The following KDM6A variants were observed in gnomAD, a reference collection of about 807,000 sequenced individuals.
The protein encoded by KDM6A is lysine demethylase 6A.
A neutral mutation model predicts 117.6 loss-of-function variants in KDM6A; 11 were observed. The ratio of observed to expected loss-of-function variants is 0.09; its 90% CI spans 0.06 to 0.15. The LOEUF (loss-of-function observed/expected upper bound fraction) is 0.15, where lower values mean the gene tolerates loss of function less well. KDM6A is among the 10% of genes least tolerant of loss of function. The pLI is 1.00. For missense variants in KDM6A, 799 were observed against 1,077.3 expected, an observed-to-expected ratio of 0.74 and a Z score of 3.62; for synonymous variants, 384 against 396.1, an observed-to-expected ratio of 0.97 and a Z score of 0.36.
chrX:44,972,824 C>T (rs1231386859), intron 3 of KDM6A, among the ~76,000 whole-genome samples: 1 of 110,619 alleles, frequency 9.0e-6, no homozygotes, highest in East Asian at 2.8e-4. Context: ...CACTTGAGGT[C>T]GGGAGTTCGA....
chrX:45,068,563 A>T (rs1395024498), intron 17 of KDM6A, among the ~76,000 whole-genome samples: 14 of 63,479 alleles, frequency 2.2e-4, no homozygotes, highest in African/African-American at 5.8e-4. Flanking sequence ...TTTTTTTTTA[A>T]AAAAAAAAAA....
In KDM6A at chrX:45,111,708, T is replaced by C. The variant is rs1376948635; in HGVS notation, c.*297T>C. On this transcript the variant is annotated 3_prime_UTR_variant, in exon 30 of 30. Coordinates refer to ENST00000611820, the MANE Select transcript of KDM6A (RefSeq NM_001291415.2). ...ACTGACTTGAAGACAACCTCTTTTA[T>C]ATTTCTCTATTTCTGGGCTGATGAA... 3 of 250,341 alleles carry C rather than the reference T, an allele frequency of 1.2e-5. No individual in the cohort carries two copies. The highest frequency in any genetic ancestry group is 2.1e-5 in the Non-Finnish European group (3 of 140,736). The allele number at this position is 250,341 out of a possible 1,213,427, so 20.6% of individuals were successfully genotyped here. A position where few individuals can be genotyped will look rare whatever the true frequency, so the allele number is the denominator to read the frequency against.
At chrX:44,943,120 T>C (rs2037430121) in intron 2 of KDM6A, among the ~76,000 whole-genome samples, 1 of 111,464 alleles carries the variant, frequency 9.0e-6, no homozygotes, top group African/African-American at 3.3e-5. Flanking sequence ...AAAAATAAAC[T>C]CTTTTTGATG....
Position 44,989,862 on chromosome X carries a change from CTT to C in KDM6A, c.384+15151_384+15152del, listed in dbSNP as rs931649041. On this transcript the variant is annotated intron_variant, in intron 4 of 29. Transcript: ENST00000611820. ...TCGGTCTAGAGCAGAGGTCCACAGA[CTT>C]TTTCTTACAGGGCAAAATAGTAAAT... Among the ~76,000 whole-genome samples, 3 of 111,806 alleles carry C rather than the reference CTT, an allele frequency of 2.7e-5. No homozygotes were observed. In the Admixed American group the frequency reaches 2.8e-4, roughly 11 times the overall value.
chrX:44,921,107 T>G (rs1447038664), intron 2 of KDM6A, among the ~76,000 whole-genome samples: 1 of 110,918 alleles, frequency 9.0e-6, no homozygotes, highest in Non-Finnish European at 1.9e-5. Context: ...ACTCCTAACC[T>G]TGTGATCTGC....
At chrX:44,925,569 G>A (rs1333310585) in intron 2 of KDM6A, among the ~76,000 whole-genome samples, 1 of 111,801 alleles carries the variant, frequency 8.9e-6, no homozygotes, top group Non-Finnish European at 1.9e-5. Flanking sequence ...TTTTACAAAA[G>A]AACAATTCGT....
At chrX:44,905,686 T>C (rs2034608446) in intron 2 of KDM6A, among the ~76,000 whole-genome samples, 1 of 112,472 alleles carries the variant, frequency 8.9e-6, no homozygotes, top group African/African-American at 3.2e-5. Flanking sequence ...CGTTATCAGC[T>C]GGCTACATAG....
chrX:45,056,572 C>T (rs1415499271), intron 10 of KDM6A, among the ~76,000 whole-genome samples: 1 of 111,959 alleles, frequency 8.9e-6, no homozygotes, highest in Non-Finnish European at 1.9e-5. Context: ...TCTAGTTAAC[C>T]TTGTAAATCC....
intron 18 of KDM6A, among the ~76,000 whole-genome samples, chrX:45,075,263 G>A (rs1569536706): frequency 9.0e-6 from 1 of 110,956 alleles, no homozygotes; most frequent in African/African-American, 3.3e-5. Flanking sequence ...TCCCAGTCTC[G>A]CCAAAAATTT....
At chrX:45,004,569 C>T (rs1410103116) in intron 4 of KDM6A, among the ~76,000 whole-genome samples, 3 of 111,269 alleles carry the variant, frequency 2.7e-5, no homozygotes, top group African/African-American at 9.8e-5. Context: ...CATATTGCCT[C>T]ATTTGCTCCC....
chrX:44,915,697 GTCCAGCTTATCTACA>G (rs2035508214), intron 2 of KDM6A, among the ~76,000 whole-genome samples: 1 of 111,134 alleles, frequency 9.0e-6, no homozygotes, highest in Admixed American at 9.6e-5. Context: ...TTATCCCTTT[GTCCAGCTTATCTACA>G]CTGTTTACAC....
intron 2 of KDM6A, among the ~76,000 whole-genome samples, chrX:44,931,718 A>G (rs1758828855): frequency 9.0e-6 from 1 of 111,641 alleles, no homozygotes; most frequent in African/African-American, 3.3e-5. Flanking sequence ...GTTGTAAGAG[A>G]GGATTAGTGT....
intron 2 of KDM6A, among the ~76,000 whole-genome samples, chrX:44,943,913 A>G (rs1001851019): frequency 8.0e-5 from 9 of 112,015 alleles, no homozygotes; most frequent in Non-Finnish European, 1.1e-4. Flanking sequence ...CTCACCAGCA[A>G]TGTATGAGAG....
intron 3 of KDM6A, among the ~76,000 whole-genome samples, chrX:44,963,291 C>A (rs2038786823): frequency 1.8e-5 from 2 of 109,254 alleles, no homozygotes; most frequent in African/African-American, 3.3e-5. Context: ...GCGAGACCCC[C>A]TATCTTAAAA....
intron 2 of KDM6A, among the ~76,000 whole-genome samples, chrX:44,913,781 T>G (rs1284494957): frequency 9.0e-6 from 1 of 110,889 alleles, no homozygotes; most frequent in Non-Finnish European, 1.9e-5. Context: ...CACACATATA[T>G]TCCATATCAG....
intron 2 of KDM6A, among the ~76,000 whole-genome samples, chrX:44,923,818 G>T (rs778941259): frequency 6.8e-4 from 76 of 111,218 alleles, no homozygotes; most frequent in Non-Finnish European, 9.8e-4. Context: ...TGCCTCCTGG[G>T]TTCAAGCAAT....
chrX:45,081,687 G>A (rs1170965519), intron 21 of KDM6A, among the ~76,000 whole-genome samples: 2 of 112,185 alleles, frequency 1.8e-5, no homozygotes, highest in Non-Finnish European at 1.9e-5. Flanking sequence ...AAATGGGGCA[G>A]GTATGAGAAT....
chrX:44,892,186 G>T (rs1175586917), intron 2 of KDM6A, among the ~76,000 whole-genome samples: 1 of 112,334 alleles, frequency 8.9e-6, no homozygotes, highest in Non-Finnish European at 1.9e-5. Flanking sequence ...CTTTGTCAAG[G>T]TTGATTTAGC....
rs776444265 is a variant in KDM6A at position 45,079,180 on chromosome X, A to G, written c.3129A>G (p.Glu1043=). 8.3e-7 allele frequency: 1 copy of G among 1,210,784 alleles called. No homozygotes were observed. The highest frequency in any genetic ancestry group is 1.1e-6 in the Non-Finnish European group (1 of 894,544). The change falls in exon 21 of 30, where the codon GAA becomes GAG. Residue 1043 remains glutamate (E), a synonymous_variant. Transcript: ENST00000611820. The stretch of plus-strand genomic sequence containing the variant: ...TTTTCTCTACTAAAACTTTGGTGGA[A>G]GCTAACAATGAACATATGGTAGAAG... The part of the protein sequence containing the change: ...LGLFSTKTLV[E]ANNEHMVEVR...
Sources: gnomAD v4.1 joint callset for allele counts (sites outside exome capture counted in the v4.1 genomes callset) on GRCh38, gnomAD v4.1.1 for gene constraint, MANE v1.5 for transcripts, NCBI Gene and HGNC (gene_info 2026-07-23, HGNC 2026-07-21) for gene names.